MAPK9: variants seen among roughly 807,000 people sequenced by gnomAD.
MAPK9 encodes Jun kinase.
Under a neutral mutation model 57.1 loss-of-function variants are expected in MAPK9, and 30 were observed. That is an observed-to-expected ratio of 0.53 (90% CI 0.39 to 0.71). The LOEUF is 0.71. MAPK9 is among the 30% of genes least tolerant of loss of function. The pLI is 0.00. For synonymous variants in MAPK9, 155 were observed against 177.0 expected, an observed-to-expected ratio of 0.88 and a Z score of 0.99; for missense variants, 362 against 521.0, an observed-to-expected ratio of 0.69 and a Z score of 2.97.
Position 180,264,802 on chromosome 5 carries a change from G to GT in MAPK9, c.289dup (p.Thr97AsnfsTer18). 2 of 1,567,426 alleles carry GT rather than the reference G, an allele frequency of 1.3e-6. No individual in the cohort carries two copies. Among genetic ancestry groups the GT allele is most frequent in the Non-Finnish European group, 1.7e-6 (2 of 1,154,356 alleles). ...TTACACATCTTGAAATTCTTCTAGA[G>GT]TTTTTTGTGGTGTAAACACATTTAA... On this transcript the variant is annotated frameshift_variant, in exon 4 of 12. Transcript: ENST00000452135. LOFTEE classifies it high-confidence loss of function.
chr5:180,255,441 G>A (rs1759179416), intron 5 of MAPK9, among the ~76,000 whole-genome samples: 1 of 152,070 alleles, frequency 6.6e-6, no homozygotes, highest in African/African-American at 2.4e-5. Flanking sequence ...CTTGGGAGAG[G>A]TTCCTGAGAA....
At chr5:180,254,029 C>T (rs531590274) in intron 5 of MAPK9, among the ~76,000 whole-genome samples, 2 of 136,260 alleles carry the variant, frequency 1.5e-5, no homozygotes, top group South Asian at 4.7e-4. Flanking sequence ...TGCAATGGCA[C>T]TATCTCAGCT....
chr5:180,283,147 G>A (rs1762460290), intron 1 of MAPK9, among the ~76,000 whole-genome samples: 1 of 152,142 alleles, frequency 6.6e-6, no homozygotes, highest in African/African-American at 2.4e-5. Flanking sequence ...CATAAGAGAA[G>A]CCTTCCTTCC....
intron 7 of MAPK9, among the ~76,000 whole-genome samples, chr5:180,244,643 G>A (rs934999654): frequency 8.6e-5 from 13 of 151,892 alleles, no homozygotes; most frequent in Non-Finnish European, 1.3e-4. Flanking sequence ...GCGTGGTGGC[G>A]GGCGCCTGTA....
At chr5:180,240,985 A>G (rs1757595029) in intron 9 of MAPK9, 46 bp downstream of exon 9, 1 of 1,570,624 alleles carries the variant, frequency 6.4e-7, no homozygotes, top group East Asian at 2.3e-5. Context: ...CCAAGGAAAT[A>G]TAAGCCTGGC....
chr5:180,268,103 C>T (rs941151133), intron 3 of MAPK9, among the ~76,000 whole-genome samples: 16 of 152,256 alleles, frequency 1.1e-4, no homozygotes, highest in Admixed American at 2.0e-4. Context: ...GGATTACAGG[C>T]GTGAGCCACT....
Position 180,240,092 on chromosome 5 carries a change from G to GGATTTAGTTT in MAPK9, c.997-115_997-106dup. On this transcript the variant is annotated intron_variant, in intron 9 of 11. Coordinates refer to ENST00000452135, the MANE Select transcript of MAPK9 (RefSeq NM_002752.5). ...AAGACTTCTAGTCTATTTATGATAT[G>GGATTTAGTTT]GATTTAGTTTAATTCAACACGTGGT... 1.0e-5 allele frequency: 8 copies of GGATTTAGTTT among 802,914 alleles called. No individual in the cohort carries two copies. The South Asian group carries it at 1.2e-4, about 12-fold the overall frequency. The allele number at this position is 802,914 out of a possible 1,614,324, so 49.7% of individuals were successfully genotyped here. A position where few individuals can be genotyped will look rare whatever the true frequency, so the allele number is the denominator to read the frequency against.
chr5:180,283,054 A>G (rs1315336085), intron 1 of MAPK9, among the ~76,000 whole-genome samples: 1 of 152,140 alleles, frequency 6.6e-6, no homozygotes, highest in Non-Finnish European at 1.5e-5. Context: ...CTCAGTCCTG[A>G]GGGCTGTGGA....
At chr5:180,256,221 G>A (rs1188143846) in intron 5 of MAPK9, among the ~76,000 whole-genome samples, 4 of 152,114 alleles carry the variant, frequency 2.6e-5, no homozygotes, top group Non-Finnish European at 5.9e-5. Flanking sequence ...GGATATCATG[G>A]GCAAAACTTT....
intron 7 of MAPK9, among the ~76,000 whole-genome samples, chr5:180,243,658 A>C (rs572593145): frequency 1.1e-4 from 16 of 152,228 alleles, no homozygotes; most frequent in Non-Finnish European, 2.2e-4. Flanking sequence ...TGGTACATGA[A>C]CTCAGTTCTT....
intron 7 of MAPK9, among the ~76,000 whole-genome samples, chr5:180,245,348 TCTC>T (rs376057561): frequency 3.3e-5 from 5 of 152,112 alleles, no homozygotes; most frequent in African/African-American, 1.2e-4. Flanking sequence ...TCTGCTCTGT[TCTC>T]CTGCTCTGCC....
chr5:180,279,099 G>A (rs6869542), intron 2 of MAPK9, among the ~76,000 whole-genome samples: 10,067 of 151,808 alleles, frequency 0.066, 1,017 homozygotes, highest in African/African-American at 0.22. Context: ...CTGGGACTAC[G>A]GGTGTGTGCC....
chr5:180,249,692 A>AG (rs1185740850), intron 5 of MAPK9, among the ~76,000 whole-genome samples: 1 of 152,254 alleles, frequency 6.6e-6, no homozygotes, highest in Non-Finnish European at 1.5e-5. Flanking sequence ...ATTTTCTACT[A>AG]GCCATGCTCA....
chr5:180,246,671 TG>T (rs1189716284), intron 7 of MAPK9: 1 of 152,196 alleles, frequency 6.6e-6, no homozygotes, highest in Non-Finnish European at 1.5e-5. Flanking sequence ...TAAAAAATAC[TG>T]AGGATGGAAG....
At chr5:180,238,887 G>T (rs1757418962) in intron 10 of MAPK9, among the ~76,000 whole-genome samples, 1 of 152,176 alleles carries the variant, frequency 6.6e-6, no homozygotes, top group Admixed American at 6.5e-5. Context: ...GGGATTACAG[G>T]TGTGAGCCAC....
intron 5 of MAPK9, among the ~76,000 whole-genome samples, chr5:180,252,644 C>A (rs1291116110): frequency 6.6e-6 from 1 of 152,186 alleles, no homozygotes; most frequent in Non-Finnish European, 1.5e-5. Context: ...GTTACTCCAC[C>A]TGCCAAGCGC....
At chr5:180,244,497 C>A (rs758813792) in intron 7 of MAPK9, among the ~76,000 whole-genome samples, 9 of 151,990 alleles carry the variant, frequency 5.9e-5, no homozygotes, top group Admixed American at 5.2e-4. Context: ...AGCTGTCGGT[C>A]GGGCTCAGTG....
chr5:180,258,862 TAAAAAA>T (rs531705510), intron 5 of MAPK9, among the ~76,000 whole-genome samples: 9 of 96,038 alleles, frequency 9.4e-5, no homozygotes, highest in African/African-American at 1.2e-4. Context: ...CTGTCTCTAC[TAAAAAA>T]AAAAAAAAAA....
At chr5:180,264,968 CT>C in intron 3 of MAPK9, 129 bp from the exon 4 acceptor site, 2 of 656,414 alleles carry the variant, frequency 3.0e-6, no homozygotes, top group Non-Finnish European at 4.5e-6. Flanking sequence ...ATTATTACTG[CT>C]TTTACCAATT....
Sources: gnomAD v4.1 joint callset for allele counts (sites outside exome capture counted in the v4.1 genomes callset) on GRCh38, gnomAD v4.1.1 for gene constraint, MANE v1.5 for transcripts, NCBI Gene and HGNC (gene_info 2026-07-23, HGNC 2026-07-21) for gene names.